The following HYDIN variants were observed in gnomAD, a reference collection of about 807,000 sequenced individuals.
HYDIN encodes HYDIN axonemal central pair apparatus protein.
In HYDIN, 132 loss-of-function variants were observed where a neutral mutation model predicts 403.9. That is an observed-to-expected ratio of 0.33 (90% CI 0.28 to 0.38). HYDIN has a LOEUF of 0.38. Among genes scored for constraint, HYDIN ranks in the 10% least tolerant of loss-of-function variants. The probability of loss-of-function intolerance (pLI) is 1.00; values close to 1 mark genes in which losing one functional copy is unlikely to be tolerated. For missense variants in HYDIN, 2,827 were observed against 5,009.5 expected, an observed-to-expected ratio of 0.56 and a Z score of 13.15; for synonymous variants, 1,202 against 1,891.7, an observed-to-expected ratio of 0.64 and a Z score of 9.46.
rs769469061 is a variant in HYDIN at position 70,961,953 on chromosome 16, G to A, written c.5968+6C>T. On this transcript the variant is annotated splice_donor_region_variant and intron_variant, in intron 38 of 85. Transcript: ENST00000393567. ...CTAGTATCAAAACACTAAAATGCTC[G>A]GTTACTTTGGAAAATGATTTTTTCC... 20 of 1,183,760 alleles carry A rather than the reference G, an allele frequency of 1.7e-5. 2 individuals carry two copies. Among genetic ancestry groups the A allele is most frequent in the East Asian group, 8.9e-5 (3 of 33,884 alleles). The allele number at this position is 1,183,760 out of a possible 1,614,324, so 73.3% of individuals were successfully genotyped here.
At chr16:70,960,845 C>G (rs1259666232) in intron 38 of HYDIN, among the ~76,000 whole-genome samples, 1 of 152,056 alleles carries the variant, frequency 6.6e-6, no homozygotes, top group Non-Finnish European at 1.5e-5. Context: ...GCATGTGCCA[C>G]CATGCCCGGC....
At chr16:70,927,769 G>C (rs939559144) in intron 45 of HYDIN, among the ~76,000 whole-genome samples, 5 of 152,164 alleles carry the variant, frequency 3.3e-5, no homozygotes, top group Non-Finnish European at 5.9e-5. Flanking sequence ...GCCGACAGCC[G>C]ACATCTCAAC....
chr16:70,810,941 G>A lies in HYDIN; in HGVS notation c.14659-934C>T, dbSNP rs534803463. Among the ~76,000 whole-genome samples the A allele has an allele frequency of 1.2e-3, 178 of 152,290 alleles. 1 individual carries two copies. The highest frequency in any genetic ancestry group is 1.0e-3 in the Non-Finnish European group (68 of 68,032). On this transcript the variant is annotated intron_variant, in intron 84 of 85. Transcript: ENST00000393567. ...TTCCAGAAATGCATATATAGTATGA[G>A]CTCTTTTTTGTGAAGAATATGTCTA...
At chr16:70,993,104 C>T (rs1650308292) in intron 23 of HYDIN, among the ~76,000 whole-genome samples, 1 of 152,184 alleles carries the variant, frequency 6.6e-6, no homozygotes, top group Middle Eastern at 3.2e-3. Context: ...GGCCTATCTT[C>T]CCACCGGAAG....
At chr16:71,186,420 T>G (rs1328892595) in intron 2 of HYDIN, among the ~76,000 whole-genome samples, 1 of 152,134 alleles carries the variant, frequency 6.6e-6, no homozygotes, top group African/African-American at 2.4e-5. Context: ...TTAGGTTGAA[T>G]CCTATGAAAT....
intron 55 of HYDIN, 76 bp downstream of exon 55, chr16:70,894,373 A>G: frequency 6.3e-7 from 1 of 1,599,946 alleles, no homozygotes; most frequent in South Asian, 1.1e-5. Context: ...AGGTTACCTG[A>G]ACACGATCTC....
intron 18 of HYDIN, among the ~76,000 whole-genome samples, chr16:71,038,348 T>C (rs1328067758): frequency 1.3e-5 from 2 of 152,102 alleles, no homozygotes; most frequent in African/African-American, 2.4e-5. Flanking sequence ...GGTTTCCTTA[T>C]TGTGTGTTTA....
chr16:71,202,817 A>C (rs2088087444), intron 1 of HYDIN, among the ~76,000 whole-genome samples: 1 of 152,144 alleles, frequency 6.6e-6, no homozygotes, highest in Non-Finnish European at 1.5e-5. Flanking sequence ...TCTTTTGGCT[A>C]TCCAGTGTAA....
intron 16 of HYDIN, among the ~76,000 whole-genome samples, chr16:71,063,584 GC>G (rs1281257360): frequency 6.6e-6 from 1 of 152,130 alleles, no homozygotes; most frequent in Non-Finnish European, 1.5e-5. Context: ...ACTGTGCAGG[GC>G]TGGCCTGGCC....
intron 44 of HYDIN, among the ~76,000 whole-genome samples, chr16:70,938,232 G>C (rs1410058953): frequency 1.3e-5 from 2 of 152,236 alleles, no homozygotes; most frequent in African/African-American, 2.4e-5. Context: ...CACCAGCTGT[G>C]GACATTGAAG....
intron 7 of HYDIN, among the ~76,000 whole-genome samples, chr16:71,138,019 A>T (rs1167886243): frequency 6.6e-6 from 1 of 151,602 alleles, no homozygotes; most frequent in Non-Finnish European, 1.5e-5. Flanking sequence ...TAAAAATTTT[A>T]AATATTAGGA....
At chr16:71,225,393 C>T (rs1158572400) in intron 1 of HYDIN, among the ~76,000 whole-genome samples, 2 of 152,220 alleles carry the variant, frequency 1.3e-5, no homozygotes, top group African/African-American at 4.8e-5. Flanking sequence ...CCCCTCACTG[C>T]AGTCATACCT....
At chr16:71,126,333 T>C (rs976637762) in intron 9 of HYDIN, among the ~76,000 whole-genome samples, 1 of 152,186 alleles carries the variant, frequency 6.6e-6, no homozygotes, top group Non-Finnish European at 1.5e-5. Context: ...CTGAAACTTC[T>C]GTCATGTCAG....
chr16:71,139,853 T>C (rs1452862705), intron 7 of HYDIN, among the ~76,000 whole-genome samples: 1 of 151,474 alleles, frequency 6.6e-6, no homozygotes, highest in African/African-American at 2.4e-5. Context: ...CTAAGAATTT[T>C]GTTTGGAATT....
intron 60 of HYDIN, among the ~76,000 whole-genome samples, chr16:70,881,614 A>C (rs1216794783): frequency 6.6e-6 from 1 of 152,012 alleles, no homozygotes; most frequent in African/African-American, 2.4e-5. Flanking sequence ...TCTCAAAAAA[A>C]AAAAAAAAAC....
intron 3 of HYDIN, among the ~76,000 whole-genome samples, chr16:71,181,091 A>G (rs559714106): frequency 1.3e-5 from 2 of 152,162 alleles, no homozygotes; most frequent in Non-Finnish European, 2.9e-5. Context: ...GAAATTAAGG[A>G]AGACCTAACT....
At chr16:71,038,717 G>A (rs554360358) in intron 18 of HYDIN, among the ~76,000 whole-genome samples, 20 of 152,376 alleles carry the variant, frequency 1.3e-4, no homozygotes, top group African/African-American at 4.6e-4. Context: ...CTAGAGTGCA[G>A]TGGCGCCATC....
At chr16:71,157,774 G>A (rs1199912593) in intron 6 of HYDIN, among the ~76,000 whole-genome samples, 1 of 139,050 alleles carries the variant, frequency 7.2e-6, no homozygotes, top group Non-Finnish European at 1.6e-5. Flanking sequence ...AGATGGGAGA[G>A]GTGAGAACTC....
intron 52 of HYDIN, among the ~76,000 whole-genome samples, chr16:70,903,006 G>C (rs1440955395): frequency 7.2e-6 from 1 of 138,994 alleles, no homozygotes; most frequent in African/African-American, 2.9e-5. Context: ...ACCCAGGCTA[G>C]AGTGTAGTGG....
Sources: gnomAD v4.1 joint callset for allele counts (sites outside exome capture counted in the v4.1 genomes callset) on GRCh38, gnomAD v4.1.1 for gene constraint, MANE v1.5 for transcripts, NCBI Gene and HGNC (gene_info 2026-07-23, HGNC 2026-07-21) for gene names.